The following IL17D variants were observed in gnomAD, a reference collection of about 807,000 sequenced individuals.
IL17D encodes the protein interleukin-17D.
Under a neutral mutation model 5.7 loss-of-function variants are expected in IL17D, and 10 were observed. The observed-to-expected ratio is 1.75, with a 90% CI of 1.08 to 2.97. The LOEUF is 2.97. IL17D is among the 30% of genes most tolerant of loss of function. The pLI is 0.00. For missense variants in IL17D, 354 were observed against 292.7 expected, an observed-to-expected ratio of 1.21 and a Z score of -1.53; for synonymous variants, 172 against 141.7, an observed-to-expected ratio of 1.21 and a Z score of -1.52.
At chr13:20,718,652 C>T (rs1367476455) in intron 1 of IL17D, among the ~76,000 whole-genome samples, 1 of 123,804 alleles carries the variant, frequency 8.1e-6, no homozygotes, top group Non-Finnish European at 1.7e-5. Context: ...ACACACCTGC[C>T]CACTTACATG....
Position 20,707,404 on chromosome 13 carries a change from G to A in IL17D, c.290+3113G>A, listed in dbSNP as rs375324471. 4.1e-4 allele frequency among the ~76,000 whole-genome samples: 54 copies of A among 132,512 alleles called. No individual in the cohort carries two copies. The South Asian group carries it at 9.8e-3, about 24-fold the overall frequency. 86.9% of individuals were successfully genotyped at this position (132,512 alleles called of 152,430 possible). A position where few individuals can be genotyped will look rare whatever the true frequency, so the allele number is the denominator to read the frequency against. On this transcript the variant is annotated intron_variant, in intron 1 of 1. Coordinates refer to ENST00000682841, the MANE Select transcript of IL17D (RefSeq NM_001385224.1). ...TGTAGTGAACTATGATTGTGCCTCT[G>A]CACTCCGGCCTGGGCAACAGAGTGA...
rs780866092 is a variant in IL17D at position 20,721,881 on chromosome 13, G to A, written c.536G>A (p.Ser179Asn). The A allele has an allele frequency of 1.2e-6, 2 of 1,609,844 alleles. No homozygotes were observed. Among genetic ancestry groups the A allele is most frequent in the South Asian group, 2.2e-5 (2 of 91,030 alleles). Reference protein sequence around the residue: ...CVPEPEKDADSINSSIDKQGA... With the variant: ...CVPEPEKDADNINSSIDKQGA... ...CCCGAGCCGGAGAAGGACGCAGACAGCATCAACTCCAGCATCGACAAACAG... is the reference window on the plus strand; with the variant it reads ...CCCGAGCCGGAGAAGGACGCAGACAACATCAACTCCAGCATCGACAAACAG... The change falls in exon 2 of 2, where the codon AGC (serine) becomes AAC (asparagine). Residue 179 changes from serine to asparagine, a missense_variant. By Grantham distance (46) the Ser-to-Asn change is conservative (BLOSUM62 1). Coordinates refer to ENST00000682841, the MANE Select transcript of IL17D (RefSeq NM_001385224.1).
Position 20,721,748 on chromosome 13 carries a change from C to T in IL17D, c.403C>T (p.Pro135Ser). The part of the protein sequence containing the change: ...GEEDVRFRSA[P>S]VYMPTVVLRR... Reference sequence around the variant, plus strand: ...GGAGGACGTGCGCTTCCGCAGCGCCCCTGTCTACATGCCCACCGTCGTCCT... The same window carrying T: ...GGAGGACGTGCGCTTCCGCAGCGCCTCTGTCTACATGCCCACCGTCGTCCT... The change falls in exon 2 of 2, where the codon CCT becomes TCT. Residue 135 changes from proline to serine, a missense_variant. By Grantham distance (74) the Pro-to-Ser change is moderately conservative. Coordinates refer to ENST00000682841, the MANE Select transcript of IL17D (RefSeq NM_001385224.1). 6.2e-7 allele frequency: 1 copy of T among 1,610,600 alleles called. No individual in the cohort carries two copies. Among genetic ancestry groups the T allele is most frequent in the Non-Finnish European group, 8.5e-7 (1 of 1,179,702 alleles).
chr13:20,718,849 C>G lies in IL17D; in HGVS notation c.291-2787C>G, dbSNP rs1433654187. On this transcript the variant is annotated intron_variant, in intron 1 of 1. Transcript: ENST00000682841. ...CTGCCCACACTCAGACACACCTGCC[C>G]CCTCACCCACACACATGCCCACACT... Among the ~76,000 whole-genome samples, 5 of 143,204 alleles carry G rather than the reference C, an allele frequency of 3.5e-5. No homozygotes were observed. In the South Asian group the frequency reaches 1.2e-3, roughly 33 times the overall value. The allele number at this position is 143,204 out of a possible 152,430, so 93.9% of individuals were successfully genotyped here.
Position 20,721,947 on chromosome 13 carries a change from GC to G in IL17D, c.606del (p.Ter203GlufsTer65). The G allele has an allele frequency of 6.3e-7, 1 of 1,591,932 alleles. No homozygotes were observed. The highest frequency in any genetic ancestry group is 8.5e-7 in the Non-Finnish European group (1 of 1,173,166). ...LLLGPNDAPAGP is the reference protein window; with the variant it reads ...LLLGPNDAPAXP Reference sequence around the variant, plus strand: ...CTGGGCCCCAACGACGCGCCCGCTGGCCCCTGAGGCCGGTCCTGCCCCGGGA... The same window carrying G: ...CTGGGCCCCAACGACGCGCCCGCTGGCCCTGAGGCCGGTCCTGCCCCGGGA... On this transcript the variant is annotated frameshift_variant, in exon 2 of 2. Transcript: ENST00000682841. LOFTEE classifies it high-confidence loss of function.
chr13:20,704,059 A>AGGGCGGGCAGGCGCCCCGC lies in IL17D; in HGVS notation c.60_78dup (p.Arg27GlyfsTer44). ...GCCGAGCTGGGCCGCGGGCGCCCCG[A>AGGGCGGGCAGGCGCCCCGC]GGGCGGGCAGGCGCCCCGCGCGGCC... On this transcript the variant is annotated frameshift_variant, in exon 1 of 2. Transcript: ENST00000682841. LOFTEE classifies it high-confidence loss of function. 1 of 1,073,124 alleles carries AGGGCGGGCAGGCGCCCCGC rather than the reference A, an allele frequency of 9.3e-7. No individual in the cohort carries two copies. The highest frequency in any genetic ancestry group is 1.1e-6 in the Non-Finnish European group (1 of 893,034). The allele number at this position is 1,073,124 out of a possible 1,614,324, so 66.5% of individuals were successfully genotyped here.
upstream of IL17D, chr13:20,703,213 C>G: frequency 2.2e-6 from 2 of 929,136 alleles, no homozygotes; most frequent in Non-Finnish European, 2.6e-6. Flanking sequence ...CGGCTGGAAG[C>G]CCCAGTTTGC....
In IL17D at chr13:20,716,240, TAAC is replaced by T. The variant is rs1388824010; in HGVS notation, c.291-5395_291-5393del. The T allele has an allele frequency of 4.1e-6, 1 of 243,470 alleles. No individual in the cohort carries two copies. Among genetic ancestry groups the T allele is most frequent in the Non-Finnish European group, 6.6e-6 (1 of 151,658 alleles). The allele number at this position is 243,470 out of a possible 1,614,324, so 15.1% of individuals were successfully genotyped here. On this transcript the variant is annotated intron_variant, in intron 1 of 1. Coordinates refer to ENST00000682841, the MANE Select transcript of IL17D (RefSeq NM_001385224.1). This position sits in a 1 kb window ranked among gnomAD's most constrained non-coding sequence, Gnocchi z 4.2. ...ATGTCTTGGTATTACCATGGTTGTA[TAAC>T]GTCTTGAGATCTGCTGGCGTGAGTC... is the stretch of plus-strand genomic sequence containing the variant.
upstream of IL17D, chr13:20,702,016 TA>T (rs2058550548): frequency 2.0e-5 from 3 of 152,310 alleles, no homozygotes; most frequent in South Asian, 6.2e-4. Flanking sequence ...TCACCTCATA[TA>T]GGAATGGATG....
chr13:20,716,243 C>T lies in IL17D; in HGVS notation c.291-5393C>T, dbSNP rs895153605. 6 of 225,000 alleles carry T rather than the reference C, an allele frequency of 2.7e-5. No homozygotes were observed. In the East Asian group the frequency reaches 5.4e-4, roughly 20 times the overall value. 13.9% of individuals were successfully genotyped at this position (225,000 alleles called of 1,614,324 possible). A position where few individuals can be genotyped will look rare whatever the true frequency, so the allele number is the denominator to read the frequency against. ...TCTTGGTATTACCATGGTTGTATAA[C>T]GTCTTGAGATCTGCTGGCGTGAGTC... On this transcript the variant is annotated intron_variant, in intron 1 of 1. Coordinates refer to ENST00000682841, the MANE Select transcript of IL17D (RefSeq NM_001385224.1). The surrounding 1 kb of genome is among the most constrained non-coding windows in gnomAD (Gnocchi z 4.2).
Position 20,722,224 on chromosome 13 carries a change from G to A in IL17D, c.*270G>A. The A allele has an allele frequency of 2.2e-6, 1 of 453,982 alleles. No homozygotes were observed. Among genetic ancestry groups the A allele is most frequent in the African/African-American group, 2.1e-5 (1 of 48,570 alleles). The allele number at this position is 453,982 out of a possible 1,614,324, so 28.1% of individuals were successfully genotyped here. A position where few individuals can be genotyped will look rare whatever the true frequency, so the allele number is the denominator to read the frequency against. ...CATCCTGTGTGCGGCCCGCATGGAG[G>A]GTTTGGAAAAGTTCACGGAGGCTCC... On this transcript the variant is annotated 3_prime_UTR_variant, in exon 2 of 2. Transcript: ENST00000682841.
chr13:20,715,737 C>A (rs1192986584), intron 1 of IL17D, among the ~76,000 whole-genome samples: 1 of 151,954 alleles, frequency 6.6e-6, no homozygotes, highest in East Asian at 1.9e-4. Flanking sequence ...TATATCTATA[C>A]ATCTTTTTTT....
At chr13:20,717,051 G>A (rs1473373103) in intron 1 of IL17D, 2 of 152,244 alleles carry the variant, frequency 1.3e-5, no homozygotes, top group East Asian at 3.8e-4. Context: ...GGCCCCAGGG[G>A]CAGGGCTCTT....
In IL17D at chr13:20,721,748, C is replaced by G; in HGVS notation, c.403C>G (p.Pro135Ala). The change falls in exon 2 of 2, where the codon CCT (proline) becomes GCT (alanine). Residue 135 changes from proline (P) to alanine (A), a missense_variant. Pro to Ala is a conservative substitution (Grantham distance 27). Transcript: ENST00000682841. The part of the protein sequence containing the change: ...GEEDVRFRSA[P>A]VYMPTVVLRR... ...GGAGGACGTGCGCTTCCGCAGCGCC[C>G]CTGTCTACATGCCCACCGTCGTCCT... 1 of 1,610,600 alleles carries G rather than the reference C, an allele frequency of 6.2e-7. No homozygotes were observed. The highest frequency in any genetic ancestry group is 8.5e-7 in the Non-Finnish European group (1 of 1,179,702).
intron 1 of IL17D, among the ~76,000 whole-genome samples, chr13:20,706,094 A>G (rs1214273449): frequency 6.6e-6 from 1 of 152,186 alleles, no homozygotes; most frequent in East Asian, 1.9e-4. Flanking sequence ...CAGAGGACCA[A>G]GCTCACTGTG....
At chr13:20,703,255 G>A (rs1247414740), upstream of IL17D, 2 of 985,844 alleles carry the variant, frequency 2.0e-6, no homozygotes, top group African/African-American at 1.7e-5. Context: ...CTCAAGAGCC[G>A]CCGCGTCGCC....
intron 1 of IL17D, among the ~76,000 whole-genome samples, chr13:20,710,065 T>G (rs2058622274): frequency 6.6e-6 from 1 of 152,194 alleles, no homozygotes; most frequent in Non-Finnish European, 1.5e-5. Context: ...ACCTCTCTGG[T>G]TCCGTCTAGC....
Position 20,721,881 on chromosome 13 carries a change from G to C in IL17D, c.536G>C (p.Ser179Thr). The change falls in exon 2 of 2, where the codon AGC (serine) becomes ACC (threonine). Residue 179 changes from serine to threonine, a missense_variant. Physicochemically the swap from Ser to Thr is moderately conservative, Grantham distance 58 (BLOSUM62 1). Transcript: ENST00000682841. Reference sequence around the variant, plus strand: ...CCCGAGCCGGAGAAGGACGCAGACAGCATCAACTCCAGCATCGACAAACAG... The same window carrying C: ...CCCGAGCCGGAGAAGGACGCAGACACCATCAACTCCAGCATCGACAAACAG... Reference protein sequence around the residue: ...CVPEPEKDADSINSSIDKQGA... With the variant: ...CVPEPEKDADTINSSIDKQGA... The C allele has an allele frequency of 6.2e-7, 1 of 1,609,844 alleles. No individual in the cohort carries two copies. Among genetic ancestry groups the C allele is most frequent in the Admixed American group, 1.7e-5 (1 of 59,996 alleles).
At chr13:20,718,617 GCCC>G (rs137964252) in intron 1 of IL17D, among the ~76,000 whole-genome samples, 1 of 76,438 alleles carries the variant, frequency 1.3e-5, no homozygotes, top group Non-Finnish European at 2.4e-5. Context: ...AGACACACCT[GCCC>G]CCCACACACA....
Sources: gnomAD v4.1 joint callset for allele counts (sites outside exome capture counted in the v4.1 genomes callset) on GRCh38, gnomAD v4.1.1 for gene constraint, Gnocchi (gnomAD v3.1) non-coding constraint, MANE v1.5 for transcripts, NCBI Gene and HGNC (gene_info 2026-07-23, HGNC 2026-07-21) for gene names.